Variants in JADE1 observed in about 807,000 individuals in gnomAD.
JADE1 encodes jade family PHD finger 1.
Under a neutral mutation model 81.8 loss-of-function variants are expected in JADE1, and 14 were observed. That is an observed-to-expected ratio of 0.17 (90% CI 0.11 to 0.27). JADE1 has a LOEUF of 0.27. JADE1 is among the 10% of genes least tolerant of loss of function. The pLI is 1.00. For missense variants in JADE1, 690 were observed against 1,047.9 expected (o/e 0.66, Z 4.71); for synonymous variants, 353 against 391.9 (o/e 0.90, Z 1.17).
intron 1 of JADE1, among the ~76,000 whole-genome samples, chr4:128,820,368 T>TC (rs745490566): frequency 1.3e-5 from 2 of 152,146 alleles, no homozygotes; most frequent in Admixed American, 6.5e-5. Context: ...CACCTCACCC[T>TC]CCCAAAGTGC....
rs766185273 is a variant in JADE1 at position 128,831,772 on chromosome 4, G to A, written c.14G>A (p.Arg5His). The A allele has an allele frequency of 6.8e-6, 11 of 1,614,006 alleles. No homozygotes were observed. Among genetic ancestry groups the A allele is most frequent in the African/African-American group, 2.7e-5 (2 of 74,914 alleles). MKRGRLPSSSEDSDD... is the reference protein window; with the variant it reads MKRGHLPSSSEDSDD... ...CCCGGGGAGATCATGAAACGAGGTC[G>A]CCTTCCCAGCAGCAGTGAGGATTCT... Residue 5 changes from arginine (R) to histidine (H), a missense_variant, in exon 2 of 11, where the codon CGC (arginine) becomes CAC (histidine). Transcript: ENST00000226319.
chr4:128,823,956 G>A (rs973367313), intron 1 of JADE1, among the ~76,000 whole-genome samples: 6 of 152,106 alleles, frequency 3.9e-5, no homozygotes, highest in Admixed American at 2.6e-4. Flanking sequence ...TGAAGTTATA[G>A]GTCATTATAT....
In JADE1 at chr4:128,859,545, G is replaced by A. The variant is rs1335119641; in HGVS notation, c.981+2091G>A. 6.3e-5 allele frequency among the ~76,000 whole-genome samples: 7 copies of A among 111,218 alleles called. No individual in the cohort carries two copies. In the South Asian group the frequency reaches 1.8e-3, roughly 28 times the overall value. The allele number at this position is 111,218 out of a possible 152,430, so 73.0% of individuals were successfully genotyped here. A position where few individuals can be genotyped will look rare whatever the true frequency, so the allele number is the denominator to read the frequency against. On this transcript the variant is annotated intron_variant, in intron 8 of 10. Transcript: ENST00000226319. Reference sequence around the variant, plus strand: ...TGCTTGTGTATGTGTGTATGCATGCGTGTATATGTGTATGTGTGTGAGTAT... The same window carrying A: ...TGCTTGTGTATGTGTGTATGCATGCATGTATATGTGTATGTGTGTGAGTAT...
intron 1 of JADE1, among the ~76,000 whole-genome samples, chr4:128,826,626 A>G (rs1319391301): frequency 6.7e-6 from 1 of 148,502 alleles, no homozygotes; most frequent in Non-Finnish European, 1.5e-5. Context: ...CTCTCTATCT[A>G]TTGCATGCAG....
intron 1 of JADE1, 159 bp from the exon 2 acceptor site, chr4:128,831,574 A>G: frequency 1.6e-6 from 1 of 610,622 alleles, no homozygotes; most frequent in Non-Finnish European, 2.9e-6. Flanking sequence ...GATTGCACCT[A>G]ATTATGTATC....
intron 2 of JADE1, among the ~76,000 whole-genome samples, 196 bp from the exon 3 acceptor site, chr4:128,842,757 G>C (rs1729549834): frequency 6.6e-6 from 1 of 152,170 alleles, no homozygotes. Context: ...AGCACATTAG[G>C]CCTGCTTATG....
At chr4:128,852,466 CAGA>C (rs1368454717) in intron 6 of JADE1, among the ~76,000 whole-genome samples, 198 bp downstream of exon 6, 1 of 152,208 alleles carries the variant, frequency 6.6e-6, no homozygotes, top group Admixed American at 6.5e-5. Context: ...CTTTTGCAGC[CAGA>C]AGGATAGCAC....
intron 1 of JADE1, among the ~76,000 whole-genome samples, chr4:128,820,641 G>A (rs1727478518): frequency 6.6e-6 from 1 of 151,706 alleles, no homozygotes; most frequent in East Asian, 1.9e-4. Context: ...TTTTTGTCAA[G>A]TGTGTCATCT....
intron 9 of JADE1, chr4:128,864,485 A>C: frequency 1.0e-6 from 1 of 985,380 alleles, no homozygotes; most frequent in Non-Finnish European, 1.2e-6. Context: ...AAAATACGCT[A>C]CCCAAAATTT....
chr4:128,830,456 A>G (rs1728458495), intron 1 of JADE1, among the ~76,000 whole-genome samples: 1 of 151,692 alleles, frequency 6.6e-6, no homozygotes, highest in Middle Eastern at 3.4e-3. Flanking sequence ...CTGGTCTCCA[A>G]CTCCTGACCT....
At chr4:128,861,564 T>C in intron 8 of JADE1, 140 bp from the exon 9 acceptor site, 1 of 991,630 alleles carries the variant, frequency 1.0e-6, no homozygotes, top group Non-Finnish European at 1.5e-6. Flanking sequence ...TTAATCCACG[T>C]ACAACTTTCC....
intron 1 of JADE1, chr4:128,827,926 C>G (rs991745247): frequency 2.0e-6 from 2 of 982,550 alleles, no homozygotes; most frequent in African/African-American, 3.5e-5. Flanking sequence ...CGGTGCTCTG[C>G]CCCAAACATG....
chr4:128,834,957 G>C (rs1485435316), intron 2 of JADE1, among the ~76,000 whole-genome samples: 2 of 151,620 alleles, frequency 1.3e-5, no homozygotes. Context: ...ACCAGCCTGG[G>C]CAACAAAGCG....
chr4:128,863,849 A>G, intron 9 of JADE1: 4 of 985,422 alleles, frequency 4.1e-6, no homozygotes, highest in Non-Finnish European at 4.8e-6. Flanking sequence ...AGTTGTTGGG[A>G]GGGGGAGGAC....
Position 128,862,195 on chromosome 4 carries a change from G to C in JADE1, c.1473G>C (p.Leu491=). 6.2e-7 allele frequency: 1 copy of C among 1,614,230 alleles called. No homozygotes were observed. The highest frequency in any genetic ancestry group is 8.5e-7 in the Non-Finnish European group (1 of 1,180,030). The change falls in exon 9 of 11, where the codon CTG becomes CTC. Residue 491 remains leucine (L), a synonymous_variant. Transcript: ENST00000226319. ...ATGTCTTATTTAGGAGGCTGCAGCTGTTCACGCACCTGCGGCAGGACCTGG... is the reference window on the plus strand; with the variant it reads ...ATGTCTTATTTAGGAGGCTGCAGCTCTTCACGCACCTGCGGCAGGACCTGG... The part of the protein sequence containing the change: ...EQDVLFRRLQ[L]FTHLRQDLER...
intron 2 of JADE1, among the ~76,000 whole-genome samples, chr4:128,833,884 GAA>G (rs1728761089): frequency 6.6e-6 from 1 of 152,220 alleles, no homozygotes; most frequent in Non-Finnish European, 1.5e-5. Context: ...AGCTGTGTTA[GAA>G]AAGTTTCTCC....
At chr4:128,813,894 T>G (rs1726740453) in intron 1 of JADE1, among the ~76,000 whole-genome samples, 1 of 152,170 alleles carries the variant, frequency 6.6e-6, no homozygotes, top group Non-Finnish European at 1.5e-5. Flanking sequence ...CTTTGGTCCC[T>G]ATTTAGCAGA....
chr4:128,850,716 C>T (rs186690749), intron 5 of JADE1, among the ~76,000 whole-genome samples: 17 of 152,276 alleles, frequency 1.1e-4, no homozygotes, highest in Admixed American at 5.9e-4. Flanking sequence ...ATTATAAAGA[C>T]CAGTGTAATA....
At chr4:128,835,095 G>A (rs1204002513) in intron 2 of JADE1, among the ~76,000 whole-genome samples, 4 of 152,156 alleles carry the variant, frequency 2.6e-5, no homozygotes, top group Admixed American at 1.3e-4. Flanking sequence ...ACTGGCCTCC[G>A]TCAAGAAGCT....
Sources: gnomAD v4.1 joint callset for allele counts (sites outside exome capture counted in the v4.1 genomes callset) on GRCh38, gnomAD v4.1.1 for gene constraint, MANE v1.5 for transcripts, NCBI Gene and HGNC (gene_info 2026-07-23, HGNC 2026-07-21) for gene names.